PLAAT4: variants seen among roughly 807,000 people sequenced by gnomAD.
The protein encoded by PLAAT4 is HRAS-like suppressor 4.
PLAAT4 carries 12 observed loss-of-function variants against 14.1 expected under a neutral mutation model. That is an observed-to-expected ratio of 0.85 (90% CI 0.54 to 1.37). The LOEUF is 1.37. Among genes scored for constraint, PLAAT4 ranks in the 40% most tolerant of loss-of-function variants. PLAAT4 has a pLI of 0.00. For synonymous variants in PLAAT4, 77 were observed against 79.8 expected, an observed-to-expected ratio of 0.96 and a Z score of 0.19; for missense variants, 163 against 211.7, an observed-to-expected ratio of 0.77 and a Z score of 1.43.
chr11:63,545,442 A>C, intron 3 of PLAAT4: 1 of 176,460 alleles, frequency 5.7e-6, no homozygotes. Context: ...TGTGATGCCT[A>C]CTCAGGGCCC....
chr11:63,546,404 T>A lies in PLAAT4; in HGVS notation c.*148T>A. 1.5e-6 allele frequency: 1 copy of A among 680,348 alleles called. No individual in the cohort carries two copies. The highest frequency in any genetic ancestry group is 1.8e-5 in the South Asian group (1 of 55,132). 42.1% of individuals were successfully genotyped at this position (680,348 alleles called of 1,614,324 possible). On this transcript the variant is annotated 3_prime_UTR_variant, in exon 4 of 4. Coordinates refer to ENST00000255688, the MANE Select transcript of PLAAT4 (RefSeq NM_004585.5). ...TGTTTCCCTCTCTCGCTGGCAAAAG[T>A]ATGATCTAATTGAAACAAGACTGAA...
chr11:63,538,380 G>T (rs1478867022), intron 1 of PLAAT4: 3 of 383,990 alleles, frequency 7.8e-6, no homozygotes, highest in African/African-American at 2.1e-5. Flanking sequence ...GGGTTGTGGG[G>T]GTCACAGAGG....
chr11:63,545,030 A>G (rs2017353212), intron 3 of PLAAT4, 141 bp downstream of exon 3: 5 of 1,174,028 alleles, frequency 4.3e-6, no homozygotes, highest in Admixed American at 3.5e-5. Context: ...CTGAGCTCCA[A>G]TGCCAGATCT....
intron 2 of PLAAT4, 113 bp from the exon 3 acceptor site, chr11:63,544,508 T>C: frequency 7.6e-7 from 1 of 1,308,040 alleles, no homozygotes; most frequent in South Asian, 1.4e-5. Context: ...AATCTGTGAA[T>C]CCTTCAATCA....
chr11:63,538,299 T>C (rs2017290065), intron 1 of PLAAT4: 2 of 325,928 alleles, frequency 6.1e-6, no homozygotes, highest in African/African-American at 4.5e-5. Flanking sequence ...GATGTGCCCT[T>C]GGGAAGGCCA....
chr11:63,545,247 GGCAAGGGAC>G, intron 3 of PLAAT4: 1 of 520,924 alleles, frequency 1.9e-6, no homozygotes, highest in Non-Finnish European at 3.4e-6. Flanking sequence ...AGAGTACTCA[GGCAAGGGAC>G]GCTCAGGGTC....
chr11:63,539,613 T>C lies in PLAAT4; in HGVS notation c.107T>C (p.Leu36Pro), dbSNP rs983147170. 1.2e-6 allele frequency: 2 copies of C among 1,608,068 alleles called. No individual in the cohort carries two copies. The highest frequency in any genetic ancestry group is 2.7e-5 in the African/African-American group (2 of 74,794). ...ATAGGAGATGGCTACGTGATCCATC[T>C]GGCTCCTCCAAGTAAGGACTGATGA... ...LYIGDGYVIH[L>P]APPSEYPGAG... The change falls in exon 2 of 4, where the codon CTG (leucine) becomes CCG (proline). Residue 36 changes from leucine to proline, a missense_variant. By Grantham distance (98) the Leu-to-Pro change is moderately conservative (BLOSUM62 -3). Coordinates refer to ENST00000255688, the MANE Select transcript of PLAAT4 (RefSeq NM_004585.5).
chr11:63,538,218 A>T (rs2017288391), intron 1 of PLAAT4, among the ~76,000 whole-genome samples: 1 of 152,094 alleles, frequency 6.6e-6, no homozygotes, highest in Admixed American at 6.5e-5. Context: ...AGGAAGGGCC[A>T]GTCAGGAAGG....
chr11:63,542,146 A>G (rs1244363408), intron 2 of PLAAT4, among the ~76,000 whole-genome samples: 1 of 152,212 alleles, frequency 6.6e-6, no homozygotes, highest in Non-Finnish European at 1.5e-5. Context: ...TCGCCTTATA[A>G]AACTGAGTAT....
At chr11:63,540,820 G>A (rs2017315779) in intron 2 of PLAAT4, among the ~76,000 whole-genome samples, 1 of 152,154 alleles carries the variant, frequency 6.6e-6, no homozygotes, top group South Asian at 2.1e-4. Flanking sequence ...GGAGACAGAG[G>A]AAGACATTGT....
Position 63,546,410 on chromosome 11 carries a change from C to G in PLAAT4, c.*154C>G, listed in dbSNP as rs923422712. ...CCTCTCTCGCTGGCAAAAGTATGATCTAATTGAAACAAGACTGAAGGATCA... is the reference window on the plus strand; with the variant it reads ...CCTCTCTCGCTGGCAAAAGTATGATGTAATTGAAACAAGACTGAAGGATCA... On this transcript the variant is annotated 3_prime_UTR_variant, in exon 4 of 4. Transcript: ENST00000255688. 9 of 657,500 alleles carry G rather than the reference C, an allele frequency of 1.4e-5. No individual in the cohort carries two copies. The highest frequency in any genetic ancestry group is 3.6e-5 in the African/African-American group (2 of 54,884). The allele number at this position is 657,500 out of a possible 1,614,324, so 40.7% of individuals were successfully genotyped here. A position where few individuals can be genotyped will look rare whatever the true frequency, so the allele number is the denominator to read the frequency against.
At position 63,539,682 on chromosome 11, in the gene PLAAT4, C is replaced by T. The variant is rs567891115; in HGVS notation, c.118+58C>T. ...ATTTGTTAAAAGGATAATGAGAGGGCCGGGCACGGTGGCTCATGCCTGTAA... is the reference window on the plus strand; with the variant it reads ...ATTTGTTAAAAGGATAATGAGAGGGTCGGGCACGGTGGCTCATGCCTGTAA... On this transcript the variant is annotated intron_variant, in intron 2 of 3. Transcript: ENST00000255688. The T allele has an allele frequency of 5.2e-5, 71 of 1,364,132 alleles. No homozygotes were observed. The Admixed American group carries it at 7.4e-4, about 14-fold the overall frequency. The allele number at this position is 1,364,132 out of a possible 1,614,324, so 84.5% of individuals were successfully genotyped here.
intron 2 of PLAAT4, among the ~76,000 whole-genome samples, chr11:63,539,934 C>T (rs945371253): frequency 5.9e-5 from 9 of 152,210 alleles, no homozygotes; most frequent in African/African-American, 1.9e-4. Context: ...GCACTCTAGC[C>T]TGGGCAACAA....
At chr11:63,545,808 G>A (rs2017360087) in intron 3 of PLAAT4, among the ~76,000 whole-genome samples, 1 of 152,118 alleles carries the variant, frequency 6.6e-6, no homozygotes, top group Non-Finnish European at 1.5e-5. Flanking sequence ...CTGACCCTAG[G>A]AAGCGAGGCA....
rs570371507 is a variant in PLAAT4 at position 63,536,841 on chromosome 11, G to A, written c.-28G>A. 11 of 1,609,026 alleles carry A rather than the reference G, an allele frequency of 6.8e-6. No homozygotes were observed. The South Asian group carries it at 1.1e-4, about 16-fold the overall frequency. ...ATAAAAGCTGATCCACAAACAAGAG[G>A]AGCACCAGACCTCCTCTTGGCTTCG... On this transcript the variant is annotated 5_prime_UTR_variant, in exon 1 of 4. Transcript: ENST00000255688.
At chr11:63,538,612 GA>G (rs1425728534) in intron 1 of PLAAT4, among the ~76,000 whole-genome samples, 1 of 152,084 alleles carries the variant, frequency 6.6e-6, no homozygotes, top group Non-Finnish European at 1.5e-5. Flanking sequence ...GGTGAAAATG[GA>G]AAAATCCTCC....
At chr11:63,545,214 T>C in intron 3 of PLAAT4, 13 of 566,870 alleles carry the variant, frequency 2.3e-5, no homozygotes, top group South Asian at 1.7e-4. Context: ...CCCAGGACAA[T>C]GACAGGTCCT....
chr11:63,546,172 C>A lies in PLAAT4; in HGVS notation c.411C>A (p.Val137=). 2 of 1,586,578 alleles carry A rather than the reference C, an allele frequency of 1.3e-6. No homozygotes were observed. Among genetic ancestry groups the A allele is most frequent in the Non-Finnish European group, 1.7e-6 (2 of 1,164,368 alleles). ...AGGTGGAAAAGGCCAAGGTTGAAGT[C>A]GGTGTGGCCACGGCGCTTGGAATCC... is the stretch of plus-strand genomic sequence containing the variant. ...CKQVEKAKVE[V]GVATALGILV... is the part of the protein sequence containing the mutation. Residue 137 remains valine (V), a synonymous_variant, in exon 4 of 4, where the codon GTC becomes GTA. Transcript: ENST00000255688.
chr11:63,544,528 A>G, intron 2 of PLAAT4, 93 bp from the exon 3 acceptor site: 1 of 1,405,450 alleles, frequency 7.1e-7, no homozygotes, highest in Non-Finnish European at 9.6e-7. Context: ...ACATTTGTGA[A>G]AGGATAAACA....
Sources: allele counts gnomAD v4.1 joint callset (sites outside exome capture counted in the v4.1 genomes callset), GRCh38; gene constraint gnomAD v4.1.1; transcripts MANE v1.5; gene names NCBI Gene and HGNC (gene_info 2026-07-23, HGNC 2026-07-21).